ARHGAP25: variants seen among roughly 807,000 people sequenced by gnomAD.
ARHGAP25 encodes Rho GTPase activating protein 25, also known as rho GTPase-activating protein 25.
Under a neutral mutation model 71.0 loss-of-function variants are expected in ARHGAP25, and 34 were observed. The ratio of observed to expected loss-of-function variants is 0.48; its 90% CI spans 0.36 to 0.64. ARHGAP25 has a LOEUF of 0.64. Among genes scored for constraint, ARHGAP25 ranks in the 30% least tolerant of loss-of-function variants. ARHGAP25 has a pLI of 0.00. For missense variants in ARHGAP25, 706 were observed against 805.1 expected (o/e 0.88, Z 1.49); for synonymous variants, 282 against 296.5 (o/e 0.95, Z 0.50).
intron 4 of ARHGAP25, among the ~76,000 whole-genome samples, chr2:68,792,139 C>T (rs535553197): frequency 3.3e-5 from 5 of 152,296 alleles, no homozygotes; most frequent in East Asian, 1.9e-4. Flanking sequence ...CCTCTTCCTC[C>T]AGAGATGAGC....
intron 2 of ARHGAP25, chr2:68,775,919 T>C (rs971709454): frequency 1.3e-5 from 4 of 319,504 alleles, no homozygotes; most frequent in Non-Finnish European, 6.1e-6. Context: ...AAGAAAAGTA[T>C]GTAGTTTGTT....
At chr2:68,749,020 C>A (rs751825150) in intron 1 of ARHGAP25, among the ~76,000 whole-genome samples, 2 of 151,190 alleles carry the variant, frequency 1.3e-5, no homozygotes, top group Non-Finnish European at 1.5e-5. Context: ...TGATTAGAGG[C>A]GAGGATGGGC....
intron 1 of ARHGAP25, among the ~76,000 whole-genome samples, chr2:68,741,423 T>G (rs1675517172): frequency 6.6e-6 from 1 of 152,216 alleles, no homozygotes; most frequent in Non-Finnish European, 1.5e-5. Flanking sequence ...TACTGTGTTC[T>G]CCTCTTTGTC....
At chr2:68,731,168 G>A (rs756472998), upstream of ARHGAP25, among the ~76,000 whole-genome samples, 1 of 152,052 alleles carries the variant, frequency 6.6e-6, no homozygotes, top group Non-Finnish European at 1.5e-5. Context: ...CAGAAGATCT[G>A]CACTCAAGTG....
At chr2:68,790,544 A>G (rs1679098035) in intron 4 of ARHGAP25, among the ~76,000 whole-genome samples, 1 of 152,224 alleles carries the variant, frequency 6.6e-6, no homozygotes, top group East Asian at 1.9e-4. Flanking sequence ...TAGATGGGAA[A>G]GACATGCCTC....
In ARHGAP25 at chr2:68,826,034, A is replaced by C. The variant is rs3749131; in HGVS notation, c.1781A>C (p.Asn594Thr). Residue 594 changes from asparagine (N) to threonine (T), a missense_variant, in exon 11 of 11, where the codon AAT becomes ACT. Asn to Thr is a moderately conservative substitution (Grantham distance 65). Coordinates refer to ENST00000409202, the MANE Select transcript of ARHGAP25 (RefSeq NM_001007231.3). ...GTTTGGGCTAAAGTGGTGAGGCTCAATGAAGAACTGGAGAAGGAAAAGAAG... is the reference window on the plus strand; with the variant it reads ...GTTTGGGCTAAAGTGGTGAGGCTCACTGAAGAACTGGAGAAGGAAAAGAAG... Reference protein sequence around the residue: ...YDVWAKVVRLNEELEKEKKKS... With the variant: ...YDVWAKVVRLTEELEKEKKKS... The C allele has an allele frequency of 6.2e-7, 1 of 1,614,066 alleles. No homozygotes were observed. The highest frequency in any genetic ancestry group is 2.2e-5 in the East Asian group (1 of 44,886).
At chr2:68,780,649 T>C (rs1435623939) in intron 2 of ARHGAP25, among the ~76,000 whole-genome samples, 1 of 152,022 alleles carries the variant, frequency 6.6e-6, no homozygotes, top group Non-Finnish European at 1.5e-5. Flanking sequence ...CCTCCTCCAT[T>C]TGTTCTTTCT....
intron 4 of ARHGAP25, among the ~76,000 whole-genome samples, chr2:68,797,599 G>A (rs7597625): frequency 2.6e-5 from 4 of 152,156 alleles, no homozygotes; most frequent in African/African-American, 4.8e-5. Flanking sequence ...TTCTCAGAAC[G>A]GGCCGCAAGG....
chr2:68,822,905 T>C (rs1424291804), intron 10 of ARHGAP25, 33 bp downstream of exon 10: 1 of 1,560,780 alleles, frequency 6.4e-7, no homozygotes, highest in African/African-American at 1.4e-5. Flanking sequence ...GAGAGGCACT[T>C]GGCTTCCATC....
intron 2 of ARHGAP25, among the ~76,000 whole-genome samples, chr2:68,711,891 G>A (rs1674491414): frequency 6.6e-6 from 1 of 152,058 alleles, no homozygotes; most frequent in Non-Finnish European, 1.5e-5. Flanking sequence ...ATATATATGT[G>A]CCACATTTCT....
chr2:68,810,619 A>G (rs1031208132), intron 5 of ARHGAP25, among the ~76,000 whole-genome samples: 2 of 152,038 alleles, frequency 1.3e-5, no homozygotes, highest in East Asian at 3.9e-4. Flanking sequence ...TTTTCTAATG[A>G]TGGATGCTTT....
At chr2:68,809,304 G>A (rs897939914) in intron 5 of ARHGAP25, among the ~76,000 whole-genome samples, 16 of 152,234 alleles carry the variant, frequency 1.1e-4, no homozygotes, top group South Asian at 4.1e-4. Flanking sequence ...ATAGAATGCC[G>A]GATGCATAGG....
chr2:68,751,718 A>G (rs1676187160), intron 1 of ARHGAP25, among the ~76,000 whole-genome samples: 1 of 152,266 alleles, frequency 6.6e-6, no homozygotes, highest in African/African-American at 2.4e-5. Flanking sequence ...CACAAAGGTT[A>G]AAACCATTGC....
At chr2:68,814,059 A>T (rs571129523) in intron 6 of ARHGAP25, among the ~76,000 whole-genome samples, 1 of 152,346 alleles carries the variant, frequency 6.6e-6, no homozygotes, top group African/African-American at 2.4e-5. Context: ...AAAGAAACTG[A>T]TGAAACCCAA....
intron 9 of ARHGAP25, 159 bp downstream of exon 9, chr2:68,819,478 C>T (rs746235124): frequency 2.6e-6 from 2 of 776,194 alleles, no homozygotes; most frequent in Non-Finnish European, 4.5e-6. Flanking sequence ...CCTTGAAAGC[C>T]TGGCCTCTTT....
At chr2:68,789,414 G>T (rs1035832911) in intron 4 of ARHGAP25, among the ~76,000 whole-genome samples, 3 of 152,178 alleles carry the variant, frequency 2.0e-5, no homozygotes, top group Admixed American at 2.0e-4. Flanking sequence ...AAACAACCAA[G>T]AAAGATTTGC....
At chr2:68,805,694 G>C (rs1160289356) in intron 4 of ARHGAP25, among the ~76,000 whole-genome samples, 1 of 152,140 alleles carries the variant, frequency 6.6e-6, no homozygotes, top group Non-Finnish European at 1.5e-5. Flanking sequence ...TAGTGGGTAG[G>C]AGCGGAAAAG....
intron 2 of ARHGAP25, among the ~76,000 whole-genome samples, chr2:68,718,210 C>G (rs1674666131): frequency 6.6e-6 from 1 of 152,020 alleles, no homozygotes; most frequent in South Asian, 2.1e-4. Context: ...ACCTCTAGAG[C>G]CTGGCTACTC....
At chr2:68,801,933 C>T (rs1303928788) in intron 4 of ARHGAP25, among the ~76,000 whole-genome samples, 1 of 152,116 alleles carries the variant, frequency 6.6e-6, no homozygotes, top group Non-Finnish European at 1.5e-5. Flanking sequence ...TTTCATTCTT[C>T]CTTTCATACT....
Sources: allele counts gnomAD v4.1 joint callset (sites outside exome capture counted in the v4.1 genomes callset), GRCh38; gene constraint gnomAD v4.1.1; transcripts MANE v1.5; gene names NCBI Gene and HGNC (gene_info 2026-07-23, HGNC 2026-07-21).